Variants in SMURF1 observed in about 807,000 individuals in gnomAD.
SMURF1 encodes the protein SMAD specific E3 ubiquitin protein ligase 1.
A neutral mutation model predicts 98.0 loss-of-function variants in SMURF1; 44 were observed. The ratio of observed to expected loss-of-function variants is 0.45; its 90% CI spans 0.35 to 0.58. SMURF1 has a LOEUF of 0.58. Among genes scored for constraint, SMURF1 ranks in the 20% least tolerant of loss-of-function variants. SMURF1 has a pLI of 0.00. For missense variants in SMURF1, 687 were observed against 938.4 expected (o/e 0.73, Z 3.50); for synonymous variants, 396 against 374.9 (o/e 1.06, Z -0.65).
chr7:99,090,554 C>T (rs1563024214), intron 1 of SMURF1, among the ~76,000 whole-genome samples: 1 of 152,120 alleles, frequency 6.6e-6, no homozygotes, highest in South Asian at 2.1e-4. Context: ...AAATGTATTA[C>T]ATTTTAGGGG....
In SMURF1 at chr7:99,057,536, C is replaced by A. The variant is rs1390906537; in HGVS notation, c.219G>T (p.Thr73=). The A allele has an allele frequency of 6.5e-7, 1 of 1,538,764 alleles. No homozygotes were observed. ...TCCACACGCTAATGGTTATCGAATC[C>A]GTTTTCCCAACATATCTGGAAAGAA... ...NQHYDLYVGK[T]DSITISVWNH... is the part of the protein sequence containing the mutation. The change falls in exon 4 of 18, where the codon ACG becomes ACT. Residue 73 remains threonine (T), a synonymous_variant. Coordinates refer to ENST00000361368, the MANE Select transcript of SMURF1 (RefSeq NM_181349.3).
chr7:99,062,448 G>A (rs1796054898), intron 1 of SMURF1, among the ~76,000 whole-genome samples: 1 of 152,124 alleles, frequency 6.6e-6, no homozygotes, highest in African/African-American at 2.4e-5. Flanking sequence ...TTTTGTAAAT[G>A]TAAACTTTGA....
At chr7:99,037,637 A>G (rs1212519979) in intron 14 of SMURF1, among the ~76,000 whole-genome samples, 1 of 152,212 alleles carries the variant, frequency 6.6e-6, no homozygotes, top group African/African-American at 2.4e-5. Flanking sequence ...ACCACCAGCT[A>G]GTAGTACCAA....
chr7:99,060,771 C>T, intron 2 of SMURF1, 64 bp from the exon 3 acceptor site: 1 of 1,063,698 alleles, frequency 9.4e-7, no homozygotes. Context: ...ACACAGAACA[C>T]ACAATTCGTG....
chr7:99,058,170 C>T lies in SMURF1; in HGVS notation c.204-619G>A, dbSNP rs551601777. Among the ~76,000 whole-genome samples the T allele has an allele frequency of 4.0e-5, 6 of 151,882 alleles. No homozygotes were observed. The South Asian group carries it at 6.2e-4, about 16-fold the overall frequency. On this transcript the variant is annotated intron_variant, in intron 3 of 17. Coordinates refer to ENST00000361368, the MANE Select transcript of SMURF1 (RefSeq NM_181349.3). ...TTTTGAGACGGAATTTTGCTCTTGT[C>T]GCCCAGGCCGGAGTGCAATGGCGCA...
chr7:99,140,171 A>C (rs1211559473), intron 1 of SMURF1, among the ~76,000 whole-genome samples: 1 of 152,160 alleles, frequency 6.6e-6, no homozygotes, highest in Non-Finnish European at 1.5e-5. Flanking sequence ...ACATGTAGTT[A>C]ATGAGAAATC....
chr7:99,102,069 AT>A (rs573323883), intron 1 of SMURF1, among the ~76,000 whole-genome samples: 103 of 152,310 alleles, frequency 6.8e-4, no homozygotes, highest in Admixed American at 5.3e-3. Flanking sequence ...AAGACAAGGC[AT>A]TGTATATTGG....
intron 13 of SMURF1, among the ~76,000 whole-genome samples, chr7:99,039,184 ACT>A (rs1457085948): frequency 1.7e-5 from 2 of 114,332 alleles, no homozygotes; most frequent in Admixed American, 1.0e-4. Flanking sequence ...ACAGAGCAAG[ACT>A]CTGTCTCAAA....
At chr7:99,040,641 A>C (rs1048510848) in intron 12 of SMURF1, 85 bp from the exon 13 acceptor site, 1 of 1,281,416 alleles carries the variant, frequency 7.8e-7, no homozygotes, top group Non-Finnish European at 1.0e-6. Flanking sequence ...GCTTCTTGGG[A>C]AAAGTGTCCC....
At chr7:99,107,262 C>G (rs1366145395) in intron 1 of SMURF1, among the ~76,000 whole-genome samples, 1 of 152,090 alleles carries the variant, frequency 6.6e-6, no homozygotes, top group Non-Finnish European at 1.5e-5. Flanking sequence ...TTCAAAATAA[C>G]TTAAAGAATA....
intron 1 of SMURF1, among the ~76,000 whole-genome samples, chr7:99,118,765 C>A (rs569462832): frequency 1.3e-5 from 2 of 152,088 alleles, no homozygotes; most frequent in Admixed American, 1.3e-4. Context: ...TAATTATACA[C>A]GTAAATTTTA....
At chr7:99,143,364 G>T (rs1337054756) in intron 1 of SMURF1, among the ~76,000 whole-genome samples, 2 of 138,540 alleles carry the variant, frequency 1.4e-5, no homozygotes, top group Non-Finnish European at 3.1e-5. Context: ...CCTGGAAGGA[G>T]ATGCAAGGGG....
chr7:99,117,285 A>G (rs947162251), intron 1 of SMURF1, among the ~76,000 whole-genome samples: 4 of 152,188 alleles, frequency 2.6e-5, no homozygotes, highest in African/African-American at 9.7e-5. Flanking sequence ...TAAATTAGTT[A>G]TGACTTTGGA....
At position 99,042,169 on chromosome 7, in the gene SMURF1, A is replaced by T; in HGVS notation, c.1320T>A (p.Ser440=). 6.2e-7 allele frequency: 1 copy of T among 1,614,210 alleles called. No homozygotes were observed. Among genetic ancestry groups the T allele is most frequent in the South Asian group, 1.1e-5 (1 of 91,074 alleles). Residue 440 remains serine (S), a synonymous_variant, in exon 12 of 18, where the codon TCT becomes TCA. Coordinates refer to ENST00000361368, the MANE Select transcript of SMURF1 (RefSeq NM_181349.3). ...LNPYYGLFQY[S]TDNIYMLQIN... ...TTTGCAACATGTAAATATTGTCCGT[A>T]GAATACTGGAAGAGCCCGTAATAAG...
intron 1 of SMURF1, among the ~76,000 whole-genome samples, chr7:99,142,043 G>GAGT (rs58371841): frequency 0.051 from 7,692 of 152,274 alleles, 646 homozygotes; most frequent in African/African-American, 0.18. Flanking sequence ...ACTGGAAAGA[G>GAGT]AGTAGTACCA....
chr7:99,100,264 C>T (rs79810276), intron 1 of SMURF1, among the ~76,000 whole-genome samples: 4,381 of 152,330 alleles, frequency 0.029, 81 homozygotes, highest in Non-Finnish European at 0.043. Context: ...AATTTAAAAA[C>T]GCCATTCCGG....
At chr7:99,133,331 A>C (rs1357663857) in intron 1 of SMURF1, among the ~76,000 whole-genome samples, 2 of 151,020 alleles carry the variant, frequency 1.3e-5, no homozygotes, top group African/African-American at 4.9e-5. Context: ...GGTACACAGG[A>C]CCTCCCGGTA....
intron 2 of SMURF1, 58 bp from the exon 3 acceptor site, chr7:99,060,765 A>G (rs1011706248): frequency 4.5e-6 from 5 of 1,102,744 alleles, no homozygotes; most frequent in Non-Finnish European, 6.7e-6. Context: ...CATGTGACAC[A>G]GAACACACAA....
At chr7:99,070,796 A>C (rs1283922033) in intron 1 of SMURF1, among the ~76,000 whole-genome samples, 1 of 152,114 alleles carries the variant, frequency 6.6e-6, no homozygotes, top group East Asian at 1.9e-4. Context: ...AAATCAATGG[A>C]TAACTGCCTG....
Sources: gnomAD v4.1 joint callset for allele counts (sites outside exome capture counted in the v4.1 genomes callset) on GRCh38, gnomAD v4.1.1 for gene constraint, MANE v1.5 for transcripts, NCBI Gene and HGNC (gene_info 2026-07-23, HGNC 2026-07-21) for gene names.